Variants in MYO5B observed in about 807,000 individuals in gnomAD.
The protein encoded by MYO5B is myosin VB, also known as unconventional myosin-Vb.
MYO5B carries 143 observed loss-of-function variants against 229.3 expected under a neutral mutation model. The ratio of observed to expected loss-of-function variants is 0.62; its 90% CI spans 0.54 to 0.72. The LOEUF is 0.72. MYO5B is among the 30% of genes least tolerant of loss of function. The pLI is 0.00. For missense variants in MYO5B, 2,321 were observed against 2,331.0 expected, an observed-to-expected ratio of 1.00 and a Z score of 0.09; for synonymous variants, 918 against 885.2, an observed-to-expected ratio of 1.04 and a Z score of -0.66.
At chr18:49,836,687 G>A (rs769550435) in intron 38 of MYO5B, 24 bp downstream of exon 38, 1 of 1,613,604 alleles carries the variant, frequency 6.2e-7, no homozygotes, top group Non-Finnish European at 8.5e-7. Flanking sequence ...ATACCATGTT[G>A]ACAGAGGTGC....
At chr18:50,036,763 G>T in intron 4 of MYO5B, 87 bp downstream of exon 4, 1 of 1,494,772 alleles carries the variant, frequency 6.7e-7, no homozygotes, top group Non-Finnish European at 9.3e-7. Flanking sequence ...CCACCTCACT[G>T]TGAGCATCAG....
At position 49,854,054 on chromosome 18, in the gene MYO5B, T is replaced by A. The variant is rs376750924; in HGVS notation, c.4023-407A>T. Among the ~76,000 whole-genome samples the A allele has an allele frequency of 1.1e-4, 17 of 152,378 alleles. No individual in the cohort carries two copies. The East Asian group carries it at 2.9e-3, about 26-fold the overall frequency. ...GTTCACAAGAACCTCCTTCTTAAGA[T>A]AAAACTCTGGCAAAACTGAGCTAAT... On this transcript the variant is annotated intron_variant, in intron 30 of 39. Coordinates refer to ENST00000285039, the MANE Select transcript of MYO5B (RefSeq NM_001080467.3).
chr18:49,881,531 A>G (rs941182786), intron 22 of MYO5B, among the ~76,000 whole-genome samples: 1 of 152,242 alleles, frequency 6.6e-6, no homozygotes, highest in African/African-American at 2.4e-5. Context: ...GGCCAGGCGC[A>G]GTGGCTCACA....
intron 2 of MYO5B, among the ~76,000 whole-genome samples, chr18:50,045,967 G>C (rs937800636): frequency 1.3e-5 from 2 of 152,198 alleles, no homozygotes; most frequent in African/African-American, 2.4e-5. Context: ...ACAACAGCAA[G>C]ATGGTATAAT....
chr18:49,845,081 CA>C (rs1281950761), intron 33 of MYO5B, among the ~76,000 whole-genome samples: 1 of 152,154 alleles, frequency 6.6e-6, no homozygotes, highest in African/African-American at 2.4e-5. Context: ...ATGCTGATGG[CA>C]GGGTTTTCTC....
At chr18:50,140,779 C>A (rs2032405787) in intron 1 of MYO5B, among the ~76,000 whole-genome samples, 1 of 152,262 alleles carries the variant, frequency 6.6e-6, no homozygotes, top group Non-Finnish European at 1.5e-5. Context: ...ACCAACTGCA[C>A]AAGTAGACAT....
intron 27 of MYO5B, among the ~76,000 whole-genome samples, chr18:49,867,896 T>G (rs951197376): frequency 6.6e-5 from 10 of 152,210 alleles, no homozygotes; most frequent in Non-Finnish European, 1.5e-4. Flanking sequence ...ATGAGGAATT[T>G]TAATAAAATG....
At chr18:49,944,135 A>G (rs2025345681) in intron 14 of MYO5B, among the ~76,000 whole-genome samples, 2 of 152,190 alleles carry the variant, frequency 1.3e-5, no homozygotes, top group Non-Finnish European at 2.9e-5. Context: ...AGGGGCTAAT[A>G]TTTATTGAGC....
intron 1 of MYO5B, among the ~76,000 whole-genome samples, chr18:50,159,144 C>T (rs2032725880): frequency 6.6e-6 from 1 of 150,920 alleles, no homozygotes; most frequent in Non-Finnish European, 1.5e-5. Flanking sequence ...AATAAACAGA[C>T]CTAGTTGAGA....
Position 50,089,310 on chromosome 18 carries a change from G to A in MYO5B, c.28-33932C>T, listed in dbSNP as rs548452383. The stretch of plus-strand genomic sequence containing the variant: ...GGAGAATTGCTTGAACCCAGAAGGC[G>A]GAGGTTGCAGTGAGCCAAGATCGCA... On this transcript the variant is annotated intron_variant, in intron 1 of 39. Coordinates refer to ENST00000285039, the MANE Select transcript of MYO5B (RefSeq NM_001080467.3). Among the ~76,000 whole-genome samples the A allele has an allele frequency of 2.6e-4, 40 of 152,200 alleles. No individual in the cohort carries two copies. The South Asian group carries it at 5.6e-3, about 21-fold the overall frequency.
At chr18:50,173,479 T>C (rs1440098867) in intron 1 of MYO5B, among the ~76,000 whole-genome samples, 1 of 152,118 alleles carries the variant, frequency 6.6e-6, no homozygotes, top group Non-Finnish European at 1.5e-5. Context: ...GACGTTACAT[T>C]GATCTGGCTG....
At chr18:50,051,700 C>T (rs1013307928) in intron 2 of MYO5B, among the ~76,000 whole-genome samples, 4 of 152,182 alleles carry the variant, frequency 2.6e-5, no homozygotes, top group African/African-American at 9.7e-5. Flanking sequence ...GATGTTATTC[C>T]CCCAAGAAGT....
intron 27 of MYO5B, among the ~76,000 whole-genome samples, chr18:49,867,400 G>T (rs2024409089): frequency 6.6e-6 from 1 of 152,142 alleles, no homozygotes; most frequent in Non-Finnish European, 1.5e-5. Flanking sequence ...GGAATTATGG[G>T]CTAGAGATGG....
chr18:50,031,551 T>A (rs765578521), intron 4 of MYO5B, among the ~76,000 whole-genome samples: 1 of 152,222 alleles, frequency 6.6e-6, no homozygotes, highest in South Asian at 2.1e-4. Flanking sequence ...AACATAACAC[T>A]GTGCCACAAA....
intron 4 of MYO5B, among the ~76,000 whole-genome samples, chr18:50,011,957 A>G (rs1313846383): frequency 2.0e-5 from 3 of 151,998 alleles, no homozygotes; most frequent in Non-Finnish European, 4.4e-5. Context: ...CAGGCTGTGT[A>G]AAGAGTGGGA....
chr18:50,107,144 C>T (rs1198640732), intron 1 of MYO5B, among the ~76,000 whole-genome samples: 1 of 97,336 alleles, frequency 1.0e-5, no homozygotes, highest in Non-Finnish European at 1.9e-5. Flanking sequence ...TTTTTTGAGA[C>T]AGTCTCCCTC....
At chr18:50,045,480 G>A (rs1189282019) in intron 2 of MYO5B, among the ~76,000 whole-genome samples, 2 of 152,074 alleles carry the variant, frequency 1.3e-5, no homozygotes, top group Non-Finnish European at 2.9e-5. Flanking sequence ...TGCAATCTCC[G>A]CCTCCTGAGC....
At chr18:49,838,802 C>G (rs1335039597) in intron 36 of MYO5B, among the ~76,000 whole-genome samples, 2 of 152,150 alleles carry the variant, frequency 1.3e-5, no homozygotes, top group Non-Finnish European at 2.9e-5. Context: ...TTCCATGAAT[C>G]AAGTTCATAA....
At chr18:49,947,101 CTTTTTTTTTTTTTT>C (rs74176748) in intron 14 of MYO5B, among the ~76,000 whole-genome samples, 1 of 108,292 alleles carries the variant, frequency 9.2e-6, no homozygotes, top group Non-Finnish European at 1.8e-5. Context: ...TCACCAAGCT[CTTTTTTTTTTTTTT>C]TTTTTTTTGA....
Sources: allele counts gnomAD v4.1 joint callset (sites outside exome capture counted in the v4.1 genomes callset), GRCh38; gene constraint gnomAD v4.1.1; transcripts MANE v1.5; gene names NCBI Gene and HGNC (gene_info 2026-07-23, HGNC 2026-07-21).